HMOX2: variants seen among roughly 807,000 people sequenced by gnomAD.
HMOX2 encodes the protein heme oxygenase 2.
In HMOX2, 30 loss-of-function variants were observed where a neutral mutation model predicts 33.7. The ratio of observed to expected loss-of-function variants is 0.89; its 90% CI spans 0.67 to 1.21. The LOEUF (loss-of-function observed/expected upper bound fraction) is 1.21. Among genes scored for constraint, HMOX2 ranks in the 50% most tolerant of loss-of-function variants. The probability of loss-of-function intolerance (pLI) is 0.00; values close to 1 mark genes in which losing one functional copy is unlikely to be tolerated. For missense variants in HMOX2, 403 were observed against 399.1 expected, an observed-to-expected ratio of 1.01 and a Z score of -0.08; for synonymous variants, 155 against 155.0, an observed-to-expected ratio of 1.00 and a Z score of 0.00.
chr16:4,490,310 C>G (rs1367227434), intron 1 of HMOX2, among the ~76,000 whole-genome samples: 1 of 152,176 alleles, frequency 6.6e-6, no homozygotes, highest in African/African-American at 2.4e-5. Context: ...GGCCCACAGC[C>G]TTTCCTGCTT....
upstream of HMOX2, chr16:4,474,880 A>G (rs1409407138): frequency 1.3e-5 from 2 of 152,168 alleles, no homozygotes; most frequent in African/African-American, 2.4e-5. Context: ...AATTAAAGCT[A>G]TGTCCATGAG....
At chr16:4,498,604 G>A (rs953317375) in intron 1 of HMOX2, among the ~76,000 whole-genome samples, 3 of 152,060 alleles carry the variant, frequency 2.0e-5, no homozygotes, top group Non-Finnish European at 4.4e-5. Context: ...TGAGCTCCTA[G>A]GCTTAGGTGA....
chr16:4,493,869 TTATCA>T (rs1357862094), intron 1 of HMOX2, among the ~76,000 whole-genome samples: 2 of 152,358 alleles, frequency 1.3e-5, no homozygotes, highest in Middle Eastern at 3.4e-3. Context: ...TTCAGTCTTC[TTATCA>T]TATAATACAT....
intron 1 of HMOX2, among the ~76,000 whole-genome samples, chr16:4,491,930 C>T (rs2058316163): frequency 6.6e-6 from 1 of 152,024 alleles, no homozygotes; most frequent in Admixed American, 6.6e-5. Flanking sequence ...GATTCACCTG[C>T]CTTGGCCTCC....
chr16:4,495,172 C>T (rs1031384936), intron 1 of HMOX2, among the ~76,000 whole-genome samples: 4 of 152,204 alleles, frequency 2.6e-5, no homozygotes, highest in Non-Finnish European at 5.9e-5. Context: ...GCCCTATATA[C>T]TAAGGGAGGA....
At chr16:4,484,083 TC>T (rs1567381499) in intron 1 of HMOX2, among the ~76,000 whole-genome samples, 1 of 151,028 alleles carries the variant, frequency 6.6e-6, no homozygotes, top group Non-Finnish European at 1.5e-5. Context: ...CACGCCATTC[TC>T]CTGCCTCAGC....
chr16:4,490,323 C>A (rs2058274736), intron 1 of HMOX2, among the ~76,000 whole-genome samples: 1 of 152,098 alleles, frequency 6.6e-6, no homozygotes, highest in Non-Finnish European at 1.5e-5. Context: ...TCCTGCTTTG[C>A]CTCCTGTTCA....
At chr16:4,505,451 G>T (rs1269424090) in intron 1 of HMOX2, 33 bp from the exon 2 acceptor site, 2 of 1,111,942 alleles carry the variant, frequency 1.8e-6, no homozygotes, top group Non-Finnish European at 2.6e-6. Context: ...ACTGCCGTGG[G>T]TGCCACATCA....
At chr16:4,500,253 C>T (rs2058525356) in intron 1 of HMOX2, among the ~76,000 whole-genome samples, 1 of 152,138 alleles carries the variant, frequency 6.6e-6, no homozygotes, top group Non-Finnish European at 1.5e-5. Context: ...GGCAGGGGAC[C>T]CCCATCCAGG....
intron 2 of HMOX2, among the ~76,000 whole-genome samples, chr16:4,506,211 A>G (rs779415607): frequency 3.9e-5 from 6 of 152,244 alleles, no homozygotes; most frequent in African/African-American, 1.4e-4. Flanking sequence ...TTGTAGATGG[A>G]TTGTGTGGAC....
At chr16:4,496,949 G>A (rs780132048) in intron 1 of HMOX2, among the ~76,000 whole-genome samples, 9 of 151,170 alleles carry the variant, frequency 6.0e-5, no homozygotes, top group South Asian at 2.1e-4. Flanking sequence ...CTTCAGCCTC[G>A]GCCTCCCAAA....
At position 4,509,102 on chromosome 16, in the gene HMOX2, C is replaced by T. The variant is rs17884975; in HGVS notation, c.697-310C>T. ...GCGCAGTAGCTCATGCCTGTAATCC[C>T]AGCACTTTGGGAGGCTGAGGCAGGG... is the stretch of plus-strand genomic sequence containing the variant. On this transcript the variant is annotated intron_variant, in intron 4 of 5. Transcript: ENST00000570646. Among the ~76,000 whole-genome samples the T allele has an allele frequency of 3.1e-3, 476 of 152,288 alleles. 5 individuals are homozygous for T. Among genetic ancestry groups the T allele is most frequent in the African/African-American group, 0.011 (449 of 41,564 alleles).
In HMOX2 at chr16:4,484,460, C is replaced by CTTTTTTT. The variant is rs58092240; in HGVS notation, c.-42+7985_-42+7991dup. Among the ~76,000 whole-genome samples, 4 of 118,294 alleles carry CTTTTTTT rather than the reference C, an allele frequency of 3.4e-5. 1 individual carries two copies. Among genetic ancestry groups the CTTTTTTT allele is most frequent in the Non-Finnish European group, 1.7e-5 (1 of 57,316 alleles). 77.6% of individuals were successfully genotyped at this position (118,294 alleles called of 152,430 possible). A position where few individuals can be genotyped will look rare whatever the true frequency, so the allele number is the denominator to read the frequency against. ...AGGATGCTCAAGTTTCTTTTCTTTT[C>CTTTTTTT]TTTTTTTTTTTTTTTTTTGAGACGG... On this transcript the variant is annotated intron_variant, in intron 1 of 5. Transcript: ENST00000570646.
At chr16:4,500,166 G>A (rs1012164655) in intron 1 of HMOX2, among the ~76,000 whole-genome samples, 7 of 152,168 alleles carry the variant, frequency 4.6e-5, no homozygotes, top group Non-Finnish European at 8.8e-5. Context: ...AAGCTGAAGC[G>A]TAATCACCTC....
chr16:4,494,843 C>T (rs569386724), intron 1 of HMOX2, among the ~76,000 whole-genome samples: 2 of 152,092 alleles, frequency 1.3e-5, no homozygotes, highest in South Asian at 4.1e-4. Flanking sequence ...CACACCACTG[C>T]ACTCCAGCCT....
intron 1 of HMOX2, among the ~76,000 whole-genome samples, chr16:4,494,315 C>CAAA (rs766292138): frequency 1.3e-5 from 1 of 79,518 alleles, no homozygotes; most frequent in Admixed American, 1.4e-4. Context: ...GACTCTGCCA[C>CAAA]AAAAAAAAAA....
At position 4,510,033 on chromosome 16, in the gene HMOX2, T is replaced by C. The variant is rs1314703340; in HGVS notation, c.*277T>C. ...GCTCTACTCCAGGCTTCCACACTTCTGGGCCCTAGGCTGCTTCCGGTAGTC... is the reference window on the plus strand; with the variant it reads ...GCTCTACTCCAGGCTTCCACACTTCCGGGCCCTAGGCTGCTTCCGGTAGTC... On this transcript the variant is annotated 3_prime_UTR_variant, in exon 6 of 6. Coordinates refer to ENST00000570646, the MANE Select transcript of HMOX2 (RefSeq NM_002134.4). 2 of 499,828 alleles carry C rather than the reference T, an allele frequency of 4.0e-6. No individual in the cohort carries two copies. Among genetic ancestry groups the C allele is most frequent in the Non-Finnish European group, 7.2e-6 (2 of 277,446 alleles). The allele number at this position is 499,828 out of a possible 1,614,324, so 31.0% of individuals were successfully genotyped here. A position where few individuals can be genotyped will look rare whatever the true frequency, so the allele number is the denominator to read the frequency against.
intron 1 of HMOX2, among the ~76,000 whole-genome samples, chr16:4,486,079 C>T (rs2058160327): frequency 6.6e-6 from 1 of 152,174 alleles, no homozygotes; most frequent in Non-Finnish European, 1.5e-5. Flanking sequence ...TGAAGCCTTG[C>T]TCTGATTCTG....
chr16:4,509,339 CAA>C (rs1301226390), intron 4 of HMOX2, 71 bp from the exon 5 acceptor site: 4 of 1,555,380 alleles, frequency 2.6e-6, no homozygotes, highest in Non-Finnish European at 3.5e-6. Flanking sequence ...GACCTCATCT[CAA>C]AAGACATTTA....
Sources: allele counts gnomAD v4.1 joint callset (sites outside exome capture counted in the v4.1 genomes callset), GRCh38; gene constraint gnomAD v4.1.1; transcripts MANE v1.5; gene names NCBI Gene and HGNC (gene_info 2026-07-23, HGNC 2026-07-21).